NRG3: variants seen among roughly 807,000 people sequenced by gnomAD.
NRG3 encodes pro-neuregulin-3, membrane-bound isoform.
In NRG3, 31 loss-of-function variants were observed where a neutral mutation model predicts 66.9. That is an observed-to-expected ratio of 0.46 (90% CI 0.35 to 0.63). The LOEUF (loss-of-function observed/expected upper bound fraction) is 0.63, where lower values mean the gene tolerates loss of function less well. Among genes scored for constraint, NRG3 ranks in the 20% least tolerant of loss-of-function variants. The pLI is 0.00. For synonymous variants in NRG3, 393 were observed against 359.4 expected, an observed-to-expected ratio of 1.09 and a Z score of -1.06; for missense variants, 910 against 878.9, an observed-to-expected ratio of 1.04 and a Z score of -0.45.
intron 1 of NRG3, among the ~76,000 whole-genome samples, chr10:81,999,096 C>A (rs1434274580): frequency 6.6e-6 from 1 of 152,200 alleles, no homozygotes; most frequent in Non-Finnish European, 1.5e-5. Context: ...AGCCACGGTG[C>A]CTGGGCGGCA....
chr10:82,707,892 C>T (rs1404133431), intron 2 of NRG3, among the ~76,000 whole-genome samples: 1 of 143,198 alleles, frequency 7.0e-6, no homozygotes, highest in Non-Finnish European at 1.5e-5. Context: ...TGTGGTGGCG[C>T]ATGCCTGTAA....
At chr10:82,441,565 C>T (rs544008284) in intron 2 of NRG3, among the ~76,000 whole-genome samples, 48 of 152,202 alleles carry the variant, frequency 3.2e-4, no homozygotes, top group African/African-American at 1.2e-3. Context: ...AATGACTGTC[C>T]TGGTTTTGCA....
intron 2 of NRG3, among the ~76,000 whole-genome samples, chr10:82,652,685 T>C (rs1043373715): frequency 6.6e-6 from 1 of 152,160 alleles, no homozygotes; most frequent in Non-Finnish European, 1.5e-5. Flanking sequence ...GGGATGTCAG[T>C]TCTCACTTTG....
At chr10:82,243,847 T>C (rs145939253) in intron 1 of NRG3, among the ~76,000 whole-genome samples, 90 of 152,326 alleles carry the variant, frequency 5.9e-4, no homozygotes, top group African/African-American at 1.9e-3. Flanking sequence ...TATATCATTA[T>C]ACAGCAAAGG....
chr10:81,950,551 C>T (rs552905369), intron 1 of NRG3, among the ~76,000 whole-genome samples: 10 of 152,230 alleles, frequency 6.6e-5, no homozygotes, highest in African/African-American at 1.4e-4. Context: ...CAAATGATGC[C>T]GCTGCTGAAG....
intron 2 of NRG3, among the ~76,000 whole-genome samples, chr10:82,514,834 C>T (rs750369382): frequency 6.6e-6 from 1 of 152,048 alleles, no homozygotes; most frequent in Non-Finnish European, 1.5e-5. Context: ...AAGGATATGG[C>T]ACAAATTGTT....
chr10:82,192,567 A>T, intron 1 of NRG3, among the ~76,000 whole-genome samples: 1 of 152,146 alleles, frequency 6.6e-6, no homozygotes, highest in Non-Finnish European at 1.5e-5. Context: ...CAGGTAAAAA[A>T]ATTCCCTGCA....
chr10:82,400,835 A>G (rs186701215), intron 2 of NRG3, among the ~76,000 whole-genome samples: 24 of 152,248 alleles, frequency 1.6e-4, no homozygotes, highest in African/African-American at 4.3e-4. Context: ...TCAGGCTGCC[A>G]AAGTACTGGA....
intron 4 of NRG3, among the ~76,000 whole-genome samples, chr10:82,905,184 T>C (rs1844606621): frequency 6.6e-6 from 1 of 152,202 alleles, no homozygotes; most frequent in East Asian, 1.9e-4. Flanking sequence ...ATTTTCAAAT[T>C]CTGCAGATTA....
At chr10:82,621,571 GC>G (rs2133615210) in intron 2 of NRG3, among the ~76,000 whole-genome samples, 1 of 152,274 alleles carries the variant, frequency 6.6e-6, no homozygotes, top group Non-Finnish European at 1.5e-5. Context: ...AAGACAGAGA[GC>G]CCACTAAAAA....
intron 1 of NRG3, among the ~76,000 whole-genome samples, chr10:81,902,293 C>T (rs1416484059): frequency 6.6e-6 from 1 of 151,876 alleles, no homozygotes; most frequent in Non-Finnish European, 1.5e-5. Context: ...AAAGTGGTTG[C>T]AGATATGCTT....
rs188145984 is a variant in NRG3, at chr10:82,508,396, A to G, written c.953+149528A>G. 5.4e-4 allele frequency among the ~76,000 whole-genome samples: 82 copies of G among 152,324 alleles called. 1 individual carries two copies. Among genetic ancestry groups the G allele is most frequent in the Admixed American group, 2.7e-3 (41 of 15,304 alleles). The stretch of plus-strand genomic sequence containing the variant: ...AAGACTGAAGGTGAAAAAGAAATAC[A>G]ATGGTGGAAGTTAAAACATCACCAT... On this transcript the variant is annotated intron_variant, in intron 2 of 8. Transcript: ENST00000372141.
At chr10:82,265,054 T>C (rs1156809711) in intron 1 of NRG3, among the ~76,000 whole-genome samples, 1 of 151,708 alleles carries the variant, frequency 6.6e-6, no homozygotes, top group Non-Finnish European at 1.5e-5. Flanking sequence ...GAATGAGGGG[T>C]GTGTGTGTAT....
At chr10:82,509,293 G>A (rs376594384) in intron 2 of NRG3, among the ~76,000 whole-genome samples, 43 of 152,146 alleles carry the variant, frequency 2.8e-4, no homozygotes, top group African/African-American at 8.4e-4. Context: ...GACTCATGTT[G>A]TAGGGGTTTG....
intron 2 of NRG3, among the ~76,000 whole-genome samples, chr10:82,499,321 A>G (rs1294376123): frequency 1.3e-5 from 2 of 152,130 alleles, no homozygotes; most frequent in African/African-American, 4.8e-5. Flanking sequence ...ACAATTTTGG[A>G]GAAGGAATAT....
At chr10:82,224,441 A>G (rs1195394489) in intron 1 of NRG3, 1 of 152,232 alleles carries the variant, frequency 6.6e-6, no homozygotes, top group African/African-American at 2.4e-5. Context: ...GACTAGTAGT[A>G]TAGCTGTGTT....
intron 1 of NRG3, among the ~76,000 whole-genome samples, chr10:82,312,842 T>C (rs978742202): frequency 2.6e-5 from 4 of 152,088 alleles, no homozygotes; most frequent in African/African-American, 9.7e-5. Flanking sequence ...GCTGAATAAA[T>C]GGTGTTCATG....
chr10:82,255,290 A>G (rs1159856394), intron 1 of NRG3, among the ~76,000 whole-genome samples: 5 of 152,176 alleles, frequency 3.3e-5, no homozygotes, highest in Non-Finnish European at 7.3e-5. Context: ...TGAGAAATTG[A>G]CACAGCCAAG....
At chr10:82,494,000 A>G (rs775995598) in intron 2 of NRG3, among the ~76,000 whole-genome samples, 46 of 152,188 alleles carry the variant, frequency 3.0e-4, no homozygotes, top group Non-Finnish European at 5.6e-4. Flanking sequence ...GTTCAACATC[A>G]CTGATTATTA....
Sources: allele counts gnomAD v4.1 joint callset (sites outside exome capture counted in the v4.1 genomes callset), GRCh38; gene constraint gnomAD v4.1.1; transcripts MANE v1.5; gene names NCBI Gene and HGNC (gene_info 2026-07-23, HGNC 2026-07-21).